The following MAFA variants were observed in gnomAD, a reference collection of about 807,000 sequenced individuals.
MAFA encodes the protein transcription factor MafA.
For synonymous variants in MAFA, 244 were observed against 260.3 expected (o/e 0.94, Z 0.60); for missense variants, 547 against 538.0 (o/e 1.02, Z -0.16).
Position 143,429,805 on chromosome 8 carries a change from T to C in MAFA, c.602A>G (p.His201Arg), listed in dbSNP as rs1819504115. ...GCCATGGTGGTGGTGGTGGTGGTGG[T>C]GGTGGTGGGCGGCGTGGTGATGGTG... Reference protein sequence around the residue: ...AAHHHHAAHHHHHHHHHHGGA... With the variant: ...AAHHHHAAHHRHHHHHHHGGA... The change falls in exon 1 of 1, where the codon CAC becomes CGC. Residue 201 changes from histidine to arginine, a missense_variant. Coordinates refer to ENST00000333480, the MANE Select transcript of MAFA (RefSeq NM_201589.4). The surrounding 1 kb of genome is among the most constrained non-coding windows in gnomAD (Gnocchi z 5.9). 1.6e-5 allele frequency: 24 copies of C among 1,485,116 alleles called. No individual in the cohort carries two copies. The highest frequency in any genetic ancestry group is 2.2e-5 in the Non-Finnish European group (24 of 1,115,844). 92.0% of individuals were successfully genotyped at this position (1,485,116 alleles called of 1,614,324 possible). A position where few individuals can be genotyped will look rare whatever the true frequency, so the allele number is the denominator to read the frequency against.
chr8:143,429,256 G>T lies in MAFA; in HGVS notation c.*89C>A, dbSNP rs1057402112. On this transcript the variant is annotated 3_prime_UTR_variant, in exon 1 of 1. Transcript: ENST00000333480. This position sits in a 1 kb window ranked among gnomAD's most constrained non-coding sequence, Gnocchi z 5.9. Reference sequence around the variant, plus strand: ...CGGCCGGGCCGGGCCTGGTGTCCACGTCCTGTACCGCGGAGTCCGAGCCGA... The same window carrying T: ...CGGCCGGGCCGGGCCTGGTGTCCACTTCCTGTACCGCGGAGTCCGAGCCGA... 2.8e-5 allele frequency: 36 copies of T among 1,265,930 alleles called. No individual in the cohort carries two copies. The highest frequency in any genetic ancestry group is 3.6e-5 in the Non-Finnish European group (36 of 1,011,792). 78.4% of individuals were successfully genotyped at this position (1,265,930 alleles called of 1,614,324 possible). A position where few individuals can be genotyped will look rare whatever the true frequency, so the allele number is the denominator to read the frequency against.
Position 143,430,182 on chromosome 8 carries a change from G to C in MAFA, c.225C>G (p.Thr75=). The change falls in exon 1 of 1, where the codon ACC becomes ACG. Residue 75 remains threonine (T), a synonymous_variant. Transcript: ENST00000333480. ...CGCCCCCCGCGCCGCCGCCGCCGCCGGTGCCCGGGCTGGGCGCGCAGAAGC... is the reference window on the plus strand; with the variant it reads ...CGCCCCCCGCGCCGCCGCCGCCGCCCGTGCCCGGGCTGGGCGCGCAGAAGC... ...SPSFCAPSPG[T]GGGGGAGGGG... is the part of the protein sequence containing the mutation. 1 of 1,157,762 alleles carries C rather than the reference G, an allele frequency of 8.6e-7. No individual in the cohort carries two copies. The highest frequency in any genetic ancestry group is 1.1e-6 in the Non-Finnish European group (1 of 937,352). The allele number at this position is 1,157,762 out of a possible 1,614,324, so 71.7% of individuals were successfully genotyped here.
chr8:143,429,626 T>C lies in MAFA; in HGVS notation c.781A>G (p.Thr261Ala). ...EVIRLKQKRR[T>A]LKNRGYAQSC... is the part of the protein sequence containing the mutation. ...TGCGCGTAGCCGCGGTTCTTGAGCGTGCGCCGCTTCTGCTTGAGCCGGATG... is the reference window on the plus strand; with the variant it reads ...TGCGCGTAGCCGCGGTTCTTGAGCGCGCGCCGCTTCTGCTTGAGCCGGATG... The change falls in exon 1 of 1, where the codon ACG becomes GCG. Residue 261 changes from threonine (T) to alanine (A), a missense_variant. Transcript: ENST00000333480. The surrounding 1 kb of genome is among the most constrained non-coding windows in gnomAD (Gnocchi z 5.9). 4.4e-6 allele frequency: 7 copies of C among 1,594,022 alleles called. No individual in the cohort carries two copies. Among genetic ancestry groups the C allele is most frequent in the South Asian group, 1.1e-5 (1 of 89,636 alleles).
rs939464860 is a variant in MAFA at position 143,429,394 on chromosome 8, G to A, written c.1013C>T (p.Pro338Leu). ...CTTGGCCCCGCCGGGACCGGCCTGC[G>A]GCGGCGAAGGCTCCCGCGGGAAACC... Reference protein sequence around the residue: ...GAGFPREPSPPQAGPGGAKGT... With the variant: ...GAGFPREPSPLQAGPGGAKGT... Residue 338 changes from proline to leucine, a missense_variant, in exon 1 of 1, where the codon CCG (proline) becomes CTG (leucine). By Grantham distance (98) the Pro-to-Leu change is moderately conservative. Coordinates refer to ENST00000333480, the MANE Select transcript of MAFA (RefSeq NM_201589.4). This position sits in a 1 kb window ranked among gnomAD's most constrained non-coding sequence, Gnocchi z 5.9. 55 of 1,468,656 alleles carry A rather than the reference G, an allele frequency of 3.7e-5. No individual in the cohort carries two copies. Among genetic ancestry groups the A allele is most frequent in the Non-Finnish European group, 4.7e-5 (53 of 1,119,410 alleles). 91.0% of individuals were successfully genotyped at this position (1,468,656 alleles called of 1,614,324 possible). A position where few individuals can be genotyped will look rare whatever the true frequency, so the allele number is the denominator to read the frequency against.
In MAFA at chr8:143,428,091, A is replaced by AT. The variant is rs1315858567; in HGVS notation, c.*1253dup. 1 of 152,312 alleles carries AT rather than the reference A, an allele frequency of 6.6e-6. No individual in the cohort carries two copies. Among genetic ancestry groups the AT allele is most frequent in the African/African-American group, 2.4e-5 (1 of 41,576 alleles). 9.4% of individuals were successfully genotyped at this position (152,312 alleles called of 1,614,324 possible). On this transcript the variant is annotated 3_prime_UTR_variant, in exon 1 of 1. Transcript: ENST00000333480. ...GGATCTGAACAGATTTATTTTGTGT[A>AT]TTTTTTTCTTTTTCTCAGTTTCGTA... is the stretch of plus-strand genomic sequence containing the variant.
At position 143,429,014 on chromosome 8, in the gene MAFA, C is replaced by T. The variant is rs1350774553; in HGVS notation, c.*331G>A. 1.5e-5 allele frequency: 3 copies of T among 199,200 alleles called. No homozygotes were observed. The highest frequency in any genetic ancestry group is 6.1e-5 in the Admixed American group (1 of 16,498). The allele number at this position is 199,200 out of a possible 1,614,324, so 12.3% of individuals were successfully genotyped here. On this transcript the variant is annotated 3_prime_UTR_variant, in exon 1 of 1. Transcript: ENST00000333480. The surrounding 1 kb of genome is among the most constrained non-coding windows in gnomAD (Gnocchi z 5.9). ...CCGGGAAGGGACGGCAGCGCGGTCC[C>T]TCTAGGCTGGCAGGGCGAAGGTGGG...
rs1819519833 is a variant in MAFA at position 143,430,208 on chromosome 8, T to C, written c.199A>G (p.Ser67Gly). The C allele has an allele frequency of 1.6e-6, 2 of 1,264,028 alleles. No homozygotes were observed. The highest frequency in any genetic ancestry group is 3.2e-5 in the African/African-American group (2 of 62,192). The allele number at this position is 1,264,028 out of a possible 1,614,324, so 78.3% of individuals were successfully genotyped here. Residue 67 changes from serine (S) to glycine (G), a missense_variant, in exon 1 of 1, where the codon AGC (serine) becomes GGC (glycine). Coordinates refer to ENST00000333480, the MANE Select transcript of MAFA (RefSeq NM_201589.4). ...GTGCCCGGGCTGGGCGCGCAGAAGC[T>C]GGGCGAGGAGGGCACGGAGGAGCAG... ...TPCSSVPSSP[S>G]FCAPSPGTGG...
At position 143,429,842 on chromosome 8, in the gene MAFA, GCGCGCCGTGGTGGTGGCC is replaced by G. The variant is rs763673639; in HGVS notation, c.547_564del (p.Gly183_Ala188del). On this transcript the variant is annotated inframe_deletion, in exon 1 of 1. Transcript: ENST00000333480. This position sits in a 1 kb window ranked among gnomAD's most constrained non-coding sequence, Gnocchi z 5.9. ...GCGTGGTGATGGTGGGCGGCGTGGT[GCGCGCCGTGGTGGTGGCC>G]GGCGCCCATGTCGTCCGCTCCGCCG... 7.0e-7 allele frequency: 1 copy of G among 1,426,748 alleles called. No homozygotes were observed. The highest frequency in any genetic ancestry group is 9.1e-7 in the Non-Finnish European group (1 of 1,096,844). 88.4% of individuals were successfully genotyped at this position (1,426,748 alleles called of 1,614,324 possible). A position where few individuals can be genotyped will look rare whatever the true frequency, so the allele number is the denominator to read the frequency against.
At position 143,429,258 on chromosome 8, in the gene MAFA, C is replaced by T. The variant is rs894384280; in HGVS notation, c.*87G>A. Reference sequence around the variant, plus strand: ...GCCGGGCCGGGCCTGGTGTCCACGTCCTGTACCGCGGAGTCCGAGCCGAGG... The same window carrying T: ...GCCGGGCCGGGCCTGGTGTCCACGTTCTGTACCGCGGAGTCCGAGCCGAGG... On this transcript the variant is annotated 3_prime_UTR_variant, in exon 1 of 1. Coordinates refer to ENST00000333480, the MANE Select transcript of MAFA (RefSeq NM_201589.4). This position sits in a 1 kb window ranked among gnomAD's most constrained non-coding sequence, Gnocchi z 5.9. The T allele has an allele frequency of 1.9e-4, 240 of 1,268,018 alleles. No individual in the cohort carries two copies. Among genetic ancestry groups the T allele is most frequent in the Non-Finnish European group, 2.3e-4 (231 of 1,013,484 alleles). The allele number at this position is 1,268,018 out of a possible 1,614,324, so 78.5% of individuals were successfully genotyped here.
Position 143,429,754 on chromosome 8 carries a change from C to A in MAFA, c.653G>T (p.Gly218Val), listed in dbSNP as rs762915364. The A allele has an allele frequency of 4.6e-6, 7 of 1,537,258 alleles. No individual in the cohort carries two copies. The highest frequency in any genetic ancestry group is 6.1e-6 in the Non-Finnish European group (7 of 1,148,090). ...HGGAGHGGGA[G>V]HHVRLEERFS... ...GCGCTCCTCCAGGCGCACGTGGTGGCCCGCGCCACCGCCGTGTCCCGCGCC... is the reference window on the plus strand; with the variant it reads ...GCGCTCCTCCAGGCGCACGTGGTGGACCGCGCCACCGCCGTGTCCCGCGCC... Residue 218 changes from glycine to valine, a missense_variant, in exon 1 of 1, where the codon GGC becomes GTC. Coordinates refer to ENST00000333480, the MANE Select transcript of MAFA (RefSeq NM_201589.4). This position sits in a 1 kb window ranked among gnomAD's most constrained non-coding sequence, Gnocchi z 5.9.
At position 143,429,900 on chromosome 8, in the gene MAFA, C is replaced by A; in HGVS notation, c.507G>T (p.Pro169=). The change falls in exon 1 of 1, where the codon CCG becomes CCT. Residue 169 remains proline (P), a synonymous_variant. Coordinates refer to ENST00000333480, the MANE Select transcript of MAFA (RefSeq NM_201589.4). This position sits in a 1 kb window ranked among gnomAD's most constrained non-coding sequence, Gnocchi z 5.9. ...AAAAYEAFRG[P]GFAGGGGADD... ...CCGCTCCGCCGCCGCCCGCGAAGCCCGGGCCGCGGAAAGCCTCGTAGGCTG... is the reference window on the plus strand; with the variant it reads ...CCGCTCCGCCGCCGCCCGCGAAGCCAGGGCCGCGGAAAGCCTCGTAGGCTG... 7.7e-7 allele frequency: 1 copy of A among 1,296,370 alleles called. No homozygotes were observed. 80.3% of individuals were successfully genotyped at this position (1,296,370 alleles called of 1,614,324 possible). A position where few individuals can be genotyped will look rare whatever the true frequency, so the allele number is the denominator to read the frequency against.
chr8:143,429,723 G>A lies in MAFA; in HGVS notation c.684C>T (p.Ser228=). The A allele has an allele frequency of 6.4e-7, 1 of 1,555,692 alleles. No individual in the cohort carries two copies. The highest frequency in any genetic ancestry group is 8.6e-7 in the Non-Finnish European group (1 of 1,157,928). Residue 228 remains serine (S), a synonymous_variant, in exon 1 of 1, where the codon TCC becomes TCT. Transcript: ENST00000333480. This position sits in a 1 kb window ranked among gnomAD's most constrained non-coding sequence, Gnocchi z 5.9. Reference sequence around the variant, plus strand: ...CCGACATGGACACCAGCTGGTCGTCGGAGAAGCGCTCCTCCAGGCGCACGT... The same window carrying A: ...CCGACATGGACACCAGCTGGTCGTCAGAGAAGCGCTCCTCCAGGCGCACGT... ...GHHVRLEERF[S]DDQLVSMSVR...
Position 143,430,501 on chromosome 8 carries a change from G to A in MAFA, c.-95C>T, listed in dbSNP as rs1343337742. 9.9e-5 allele frequency: 28 copies of A among 281,436 alleles called. No homozygotes were observed. The highest frequency in any genetic ancestry group is 1.4e-4 in the Non-Finnish European group (27 of 188,990). 17.4% of individuals were successfully genotyped at this position (281,436 alleles called of 1,614,324 possible). A position where few individuals can be genotyped will look rare whatever the true frequency, so the allele number is the denominator to read the frequency against. ...CCCCCCCCTGCTCCCCGCGGGCGGC[G>A]GTCCCGGCGGGGGCGGGGGGGCGCC... is the stretch of plus-strand genomic sequence containing the variant. On this transcript the variant is annotated 5_prime_UTR_variant, in exon 1 of 1. Coordinates refer to ENST00000333480, the MANE Select transcript of MAFA (RefSeq NM_201589.4).
rs1819493889 is a variant in MAFA at position 143,429,265 on chromosome 8, C to G, written c.*80G>C. 1.6e-6 allele frequency: 2 copies of G among 1,276,898 alleles called. No homozygotes were observed. Among genetic ancestry groups the G allele is most frequent in the Non-Finnish European group, 2.0e-6 (2 of 1,019,232 alleles). 79.1% of individuals were successfully genotyped at this position (1,276,898 alleles called of 1,614,324 possible). ...CGGGCCTGGTGTCCACGTCCTGTAC[C>G]GCGGAGTCCGAGCCGAGGCCCCGAG... On this transcript the variant is annotated 3_prime_UTR_variant, in exon 1 of 1. Transcript: ENST00000333480. This position sits in a 1 kb window ranked among gnomAD's most constrained non-coding sequence, Gnocchi z 5.9.
In MAFA at chr8:143,428,982, G is replaced by C. The variant is rs1486487503; in HGVS notation, c.*363C>G. On this transcript the variant is annotated 3_prime_UTR_variant, in exon 1 of 1. Transcript: ENST00000333480. Reference sequence around the variant, plus strand: ...AACGAAGGAGGGCGGGGGCAGGCAGGGGCCACCCGGGAAGGGACGGCAGCG... The same window carrying C: ...AACGAAGGAGGGCGGGGGCAGGCAGCGGCCACCCGGGAAGGGACGGCAGCG... 1 of 181,716 alleles carries C rather than the reference G, an allele frequency of 5.5e-6. No homozygotes were observed. 11.3% of individuals were successfully genotyped at this position (181,716 alleles called of 1,614,324 possible).
rs1819488201 is a variant in MAFA at position 143,428,831 on chromosome 8, G to A, written c.*514C>T. 1 of 152,126 alleles carries A rather than the reference G, an allele frequency of 6.6e-6. No individual in the cohort carries two copies. The highest frequency in any genetic ancestry group is 2.1e-4 in the South Asian group (1 of 4,826). 9.4% of individuals were successfully genotyped at this position (152,126 alleles called of 1,614,324 possible). ...GGCGGACCCCGGCTGGGGAAAGAAGGGGCTTCCTCCAAGGTTTTCTTTTCT... is the reference window on the plus strand; with the variant it reads ...GGCGGACCCCGGCTGGGGAAAGAAGAGGCTTCCTCCAAGGTTTTCTTTTCT... On this transcript the variant is annotated 3_prime_UTR_variant, in exon 1 of 1. Coordinates refer to ENST00000333480, the MANE Select transcript of MAFA (RefSeq NM_201589.4).
rs201366562 is a variant in MAFA, at chr8:143,429,812, G to A, written c.595C>T (p.His199Tyr). The A allele has an allele frequency of 6.8e-7, 1 of 1,474,254 alleles. No homozygotes were observed. Among genetic ancestry groups the A allele is most frequent in the African/African-American group, 1.5e-5 (1 of 65,494 alleles). 91.3% of individuals were successfully genotyped at this position (1,474,254 alleles called of 1,614,324 possible). A position where few individuals can be genotyped will look rare whatever the true frequency, so the allele number is the denominator to read the frequency against. The change falls in exon 1 of 1, where the codon CAC (histidine) becomes TAC (tyrosine). Residue 199 changes from histidine (H) to tyrosine (Y), a missense_variant. Coordinates refer to ENST00000333480, the MANE Select transcript of MAFA (RefSeq NM_201589.4). The surrounding 1 kb of genome is among the most constrained non-coding windows in gnomAD (Gnocchi z 5.9). ...HHAAHHHHAA[H>Y]HHHHHHHHHG... is the part of the protein sequence containing the mutation. Reference sequence around the variant, plus strand: ...TGGTGGTGGTGGTGGTGGTGGTGGTGGGCGGCGTGGTGATGGTGGGCGGCG... The same window carrying A: ...TGGTGGTGGTGGTGGTGGTGGTGGTAGGCGGCGTGGTGATGGTGGGCGGCG...
chr8:143,428,419 G>GC lies in MAFA; in HGVS notation c.*925dup, dbSNP rs1819481451. 1 of 152,054 alleles carries GC rather than the reference G, an allele frequency of 6.6e-6. No individual in the cohort carries two copies. The highest frequency in any genetic ancestry group is 1.5e-5 in the Non-Finnish European group (1 of 68,026). The allele number at this position is 152,054 out of a possible 1,614,324, so 9.4% of individuals were successfully genotyped here. ...TAAAATAAAAACACTTTCTCCACCC[G>GC]CCCCATGCCAGAAGGCTCTGGCCCA... On this transcript the variant is annotated 3_prime_UTR_variant, in exon 1 of 1. Transcript: ENST00000333480.
rs1267254317 is a variant in MAFA at position 143,430,603 on chromosome 8, C to T, written c.-197G>A. The stretch of plus-strand genomic sequence containing the variant: ...CTCCGGGGCGGCGCGCTAGGGGCAC[C>T]GCTGGCCAGGTGTCTCGGGCGACCC... On this transcript the variant is annotated 5_prime_UTR_variant, in exon 1 of 1. Coordinates refer to ENST00000333480, the MANE Select transcript of MAFA (RefSeq NM_201589.4). Among the ~76,000 whole-genome samples the T allele has an allele frequency of 6.9e-6, 1 of 145,800 alleles. No individual in the cohort carries two copies. Among genetic ancestry groups the T allele is most frequent in the Admixed American group, 6.8e-5 (1 of 14,776 alleles).
Sources: gnomAD v4.1 joint callset for allele counts (sites outside exome capture counted in the v4.1 genomes callset) on GRCh38, gnomAD v4.1.1 for gene constraint, Gnocchi (gnomAD v3.1) non-coding constraint, MANE v1.5 for transcripts, NCBI Gene and HGNC (gene_info 2026-07-23, HGNC 2026-07-21) for gene names.